Variants in CADPS observed in about 807,000 individuals in gnomAD.
CADPS encodes calcium-dependent secretion activator 1.
CADPS carries 57 observed loss-of-function variants against 167.3 expected under a neutral mutation model. That is an observed-to-expected ratio of 0.34 (90% CI 0.28 to 0.42). The LOEUF (loss-of-function observed/expected upper bound fraction) is 0.42. Among genes scored for constraint, CADPS ranks in the 20% least tolerant of loss-of-function variants. The pLI is 1.00. For missense variants in CADPS, 1,414 were observed against 1,738.1 expected (o/e 0.81, Z 3.32); for synonymous variants, 676 against 635.3 (o/e 1.06, Z -0.96).
intron 10 of CADPS, among the ~76,000 whole-genome samples, chr3:62,553,230 G>A (rs1028977651): frequency 5.3e-5 from 8 of 152,194 alleles, no homozygotes; most frequent in African/African-American, 1.2e-4. Flanking sequence ...TGGAGCTACC[G>A]TCAGAAAGTC....
chr3:62,680,899 A>G (rs1328395431), intron 3 of CADPS, among the ~76,000 whole-genome samples: 1 of 151,982 alleles, frequency 6.6e-6, no homozygotes, highest in Admixed American at 6.6e-5. Flanking sequence ...TTCTGAAACC[A>G]TGTGGATTCC....
intron 1 of CADPS, among the ~76,000 whole-genome samples, chr3:62,865,385 T>TAAAAAAAAAAAAAAAAAAAAAAAA (rs35780515): frequency 9.1e-6 from 1 of 110,150 alleles, no homozygotes; most frequent in African/African-American, 3.4e-5. Context: ...ACTTAAGGAT[T>TAAAAAAAAAAAAAAAAAAAAAAAA]AAAAAAAAAA....
At chr3:62,632,312 A>G (rs990145419) in intron 6 of CADPS, among the ~76,000 whole-genome samples, 5 of 152,212 alleles carry the variant, frequency 3.3e-5, no homozygotes, top group African/African-American at 1.2e-4. Flanking sequence ...ATTTTCTACA[A>G]CAAGGATTAT....
chr3:62,722,531 G>A (rs1004002536), intron 3 of CADPS, among the ~76,000 whole-genome samples: 5 of 152,206 alleles, frequency 3.3e-5, no homozygotes, highest in African/African-American at 1.2e-4. Flanking sequence ...GGTGGAGGCT[G>A]GAGCCAGAAA....
At chr3:62,581,195 A>C (rs2083362554) in intron 8 of CADPS, among the ~76,000 whole-genome samples, 1 of 152,184 alleles carries the variant, frequency 6.6e-6, no homozygotes, top group Middle Eastern at 3.2e-3. Context: ...GTAAGAATTA[A>C]ATAATATATA....
intron 6 of CADPS, among the ~76,000 whole-genome samples, chr3:62,608,037 T>G (rs1241776457): frequency 1.3e-5 from 2 of 152,130 alleles, no homozygotes. Context: ...TGAAAAGTGA[T>G]GAATCTCAGT....
At chr3:62,844,995 ATAT>A (rs2153063579) in intron 1 of CADPS, among the ~76,000 whole-genome samples, 1 of 152,346 alleles carries the variant, frequency 6.6e-6, no homozygotes, top group African/African-American at 2.4e-5. Context: ...GCTAAGAGCC[ATAT>A]TATAACTAGA....
At chr3:62,763,392 G>C (rs1003130842) in intron 2 of CADPS, among the ~76,000 whole-genome samples, 1 of 152,214 alleles carries the variant, frequency 6.6e-6, no homozygotes, top group African/African-American at 2.4e-5. Context: ...AGAGGTGGGG[G>C]GAAGATACCC....
At chr3:62,836,265 C>T in intron 1 of CADPS, among the ~76,000 whole-genome samples, 1 of 152,140 alleles carries the variant, frequency 6.6e-6, no homozygotes, top group East Asian at 1.9e-4. Flanking sequence ...CAAACTAATC[C>T]AGACCCAAAT....
chr3:62,791,915 C>T (rs1305627317), intron 1 of CADPS, among the ~76,000 whole-genome samples: 1 of 152,082 alleles, frequency 6.6e-6, no homozygotes, highest in Non-Finnish European at 1.5e-5. Flanking sequence ...ATAGCATGTA[C>T]CCAATAAATT....
chr3:62,439,524 C>T (rs1201695427), intron 27 of CADPS: 1 of 152,104 alleles, frequency 6.6e-6, no homozygotes, highest in Non-Finnish European at 1.5e-5. Context: ...CATGATGGTC[C>T]TATAATTGTT....
chr3:62,767,139 A>T (rs1340426444), intron 1 of CADPS, among the ~76,000 whole-genome samples: 1 of 152,196 alleles, frequency 6.6e-6, no homozygotes, highest in Non-Finnish European at 1.5e-5. Context: ...TAACTTAAAA[A>T]AGTTAAATTT....
At chr3:62,873,103 G>T (rs2082935920) in intron 1 of CADPS, among the ~76,000 whole-genome samples, 2 of 152,212 alleles carry the variant, frequency 1.3e-5, no homozygotes, top group Non-Finnish European at 2.9e-5. Context: ...GATAAAGATG[G>T]AGAGTCTTGT....
intron 4 of CADPS, 114 bp downstream of exon 4, chr3:62,662,200 T>A: frequency 1.1e-6 from 1 of 916,422 alleles, no homozygotes; most frequent in South Asian, 1.4e-5. Context: ...ATTGTCCTCA[T>A]CTTCCCTCCT....
intron 28 of CADPS, among the ~76,000 whole-genome samples, chr3:62,407,074 A>G (rs1412493789): frequency 1.3e-5 from 2 of 152,162 alleles, no homozygotes; most frequent in Non-Finnish European, 2.9e-5. Flanking sequence ...TCACAACAGC[A>G]TTTGGCACAT....
In CADPS at chr3:62,421,015, C is replaced by T. The variant is rs546917941; in HGVS notation, c.3777+17089G>A. Reference sequence around the variant, plus strand: ...CAGACCATTGTCCTTATACAAGATACACATTCAACATGCTGGGTGCCCTCG... The same window carrying T: ...CAGACCATTGTCCTTATACAAGATATACATTCAACATGCTGGGTGCCCTCG... On this transcript the variant is annotated intron_variant, in intron 28 of 29. Transcript: ENST00000383710. The surrounding 1 kb of genome is among the most constrained non-coding windows in gnomAD (Gnocchi z 4.7). Among the ~76,000 whole-genome samples the T allele has an allele frequency of 6.6e-6, 1 of 152,242 alleles. No individual in the cohort carries two copies. The highest frequency in any genetic ancestry group is 1.9e-4 in the East Asian group (1 of 5,162).
At chr3:62,710,992 G>A (rs2083296292) in intron 3 of CADPS, among the ~76,000 whole-genome samples, 1 of 152,104 alleles carries the variant, frequency 6.6e-6, no homozygotes, top group Non-Finnish European at 1.5e-5. Flanking sequence ...TCCCCCAGAA[G>A]CCAGTCACTG....
At position 62,562,059 on chromosome 3, in the gene CADPS, T is replaced by C. The variant is rs555582931; in HGVS notation, c.1645-4546A>G. On this transcript the variant is annotated intron_variant, in intron 9 of 29. Coordinates refer to ENST00000383710, the MANE Select transcript of CADPS (RefSeq NM_003716.4). ...TTAATCCCATGATTTCACAAATGTG[T>C]TATTTTAATAGTGGCAAATATTAAA... Among the ~76,000 whole-genome samples the C allele has an allele frequency of 3.3e-5, 5 of 152,334 alleles. No homozygotes were observed. In the South Asian group the frequency reaches 1.0e-3, roughly 32 times the overall value.
intron 6 of CADPS, among the ~76,000 whole-genome samples, chr3:62,624,966 C>A (rs896906092): frequency 2.1e-5 from 3 of 143,860 alleles, no homozygotes; most frequent in African/African-American, 3.0e-5. Context: ...TTGAAACTTA[C>A]AATGGAGAGT....
Sources: gnomAD v4.1 joint callset for allele counts (sites outside exome capture counted in the v4.1 genomes callset) on GRCh38, gnomAD v4.1.1 for gene constraint, Gnocchi (gnomAD v3.1) non-coding constraint, MANE v1.5 for transcripts, NCBI Gene and HGNC (gene_info 2026-07-23, HGNC 2026-07-21) for gene names.